FHIT: variants seen among roughly 807,000 people sequenced by gnomAD.
FHIT encodes bis(5'-adenosyl)-triphosphatase.
FHIT carries 19 observed loss-of-function variants against 17.9 expected under a neutral mutation model. The ratio of observed to expected loss-of-function variants is 1.06; its 90% CI spans 0.74 to 1.56. The LOEUF is 1.56. Ranked by LOEUF, FHIT falls within the 40% of genes most tolerant of loss-of-function variation. The pLI is 0.00. For missense variants in FHIT, 248 were observed against 189.2 expected, an observed-to-expected ratio of 1.31 and a Z score of -1.82; for synonymous variants, 81 against 69.7, an observed-to-expected ratio of 1.16 and a Z score of -0.81.
At chr3:60,674,483 G>T (rs541154743) in intron 4 of FHIT, among the ~76,000 whole-genome samples, 3 of 152,104 alleles carry the variant, frequency 2.0e-5, no homozygotes, top group South Asian at 4.1e-4. Flanking sequence ...AACACAGGGC[G>T]ACACATTTAG....
intron 1 of FHIT, among the ~76,000 whole-genome samples, chr3:61,212,207 C>A (rs1488734622): frequency 6.6e-6 from 1 of 152,130 alleles, no homozygotes; most frequent in African/African-American, 2.4e-5. Flanking sequence ...CTACTCCGAG[C>A]TAAAGGAGGA....
intron 3 of FHIT, among the ~76,000 whole-genome samples, chr3:61,015,881 A>ACAGAGGAACAATACAGATCTT (rs1425219507): frequency 6.6e-6 from 1 of 152,232 alleles, no homozygotes; most frequent in Non-Finnish European, 1.5e-5. Flanking sequence ...ATGTCAAAGC[A>ACAGAGGAACAATACAGATCTT]CAGAGGAACA....
At chr3:60,456,449 C>T (rs777539964) in intron 5 of FHIT, among the ~76,000 whole-genome samples, 9 of 152,198 alleles carry the variant, frequency 5.9e-5, no homozygotes, top group Non-Finnish European at 1.0e-4. Flanking sequence ...CTTTGGGGAA[C>T]ACTATGTACC....
chr3:60,251,588 T>C (rs1314173075), intron 5 of FHIT, among the ~76,000 whole-genome samples: 2 of 152,236 alleles, frequency 1.3e-5, no homozygotes, highest in Admixed American at 6.5e-5. Flanking sequence ...TCTTTGGGAA[T>C]AGTTATGCCA....
At chr3:60,648,622 G>T (rs1354598000) in intron 4 of FHIT, among the ~76,000 whole-genome samples, 1 of 152,174 alleles carries the variant, frequency 6.6e-6, no homozygotes, top group Admixed American at 6.5e-5. Flanking sequence ...TGAAAATCTG[G>T]ACACCTGTTA....
At chr3:60,509,410 C>G (rs1246390090) in intron 5 of FHIT, among the ~76,000 whole-genome samples, 2 of 152,200 alleles carry the variant, frequency 1.3e-5, no homozygotes, top group Non-Finnish European at 2.9e-5. Context: ...TCAGATAAGA[C>G]AAGTTGTCCA....
chr3:60,843,209 T>C (rs529137842), intron 3 of FHIT, among the ~76,000 whole-genome samples: 1 of 152,264 alleles, frequency 6.6e-6, no homozygotes, highest in South Asian at 2.1e-4. Flanking sequence ...CCACAGAGAA[T>C]TCTTTCTGAC....
intron 5 of FHIT, among the ~76,000 whole-genome samples, chr3:60,304,084 T>C (rs1424096514): frequency 2.0e-5 from 3 of 152,138 alleles, no homozygotes; most frequent in Non-Finnish European, 4.4e-5. Context: ...TCTCCTTCTT[T>C]ACGTAGACAC....
At chr3:60,861,198 A>C (rs1482393710) in intron 3 of FHIT, among the ~76,000 whole-genome samples, 2 of 2,194 alleles carry the variant, frequency 9.1e-4, no homozygotes, top group East Asian at 6.3e-3. Flanking sequence ...TATATATCAT[A>C]TATGATATAT....
chr3:60,732,073 T>A, intron 4 of FHIT: 1 of 569,228 alleles, frequency 1.8e-6, no homozygotes, highest in South Asian at 1.9e-5. Context: ...TGCGAGCAAA[T>A]GGGGTGGAGG....
At chr3:60,919,494 G>T (rs1253658971) in intron 3 of FHIT, among the ~76,000 whole-genome samples, 1 of 151,310 alleles carries the variant, frequency 6.6e-6, no homozygotes, top group African/African-American at 2.4e-5. Context: ...CTGCAGAAAT[G>T]CTTAGAAAGT....
At chr3:59,997,271 T>A (rs1296161828) in intron 7 of FHIT, among the ~76,000 whole-genome samples, 1 of 152,122 alleles carries the variant, frequency 6.6e-6, no homozygotes, top group East Asian at 1.9e-4. Context: ...AAGTAATACA[T>A]TTTCTTTCAA....
Position 60,208,370 on chromosome 3 carries a change from C to T in FHIT, c.104-194218G>A, listed in dbSNP as rs529183824. Among the ~76,000 whole-genome samples the T allele has an allele frequency of 2.1e-5, 3 of 144,340 alleles. No individual in the cohort carries two copies. In the East Asian group the frequency reaches 5.8e-4, roughly 28 times the overall value. The allele number at this position is 144,340 out of a possible 152,430, so 94.7% of individuals were successfully genotyped here. ...GTAGGCAAAGTGTACTCTGAAATCA[C>T]CTCCCCCCAAATTGTAAATTCATTT... On this transcript the variant is annotated intron_variant, in intron 5 of 9. Coordinates refer to ENST00000492590, the MANE Select transcript of FHIT (RefSeq NM_002012.4).
intron 5 of FHIT, among the ~76,000 whole-genome samples, chr3:60,524,693 T>G (rs921369569): frequency 6.7e-6 from 1 of 150,246 alleles, no homozygotes; most frequent in African/African-American, 2.5e-5. Context: ...GCTGTCAGCA[T>G]TCCTTGACTT....
At chr3:61,109,737 C>T (rs538415665) in intron 2 of FHIT, among the ~76,000 whole-genome samples, 15 of 152,154 alleles carry the variant, frequency 9.9e-5, no homozygotes, top group Non-Finnish European at 2.2e-4. Flanking sequence ...CTTGAAGGAA[C>T]CACCTCCATT....
chr3:61,004,990 C>G (rs998649828), intron 3 of FHIT, among the ~76,000 whole-genome samples: 4 of 152,166 alleles, frequency 2.6e-5, no homozygotes, highest in Admixed American at 2.6e-4. Context: ...ACCATTTTCT[C>G]CCCACATGAG....
At chr3:61,025,884 C>G (rs1285164239) in intron 3 of FHIT, among the ~76,000 whole-genome samples, 3 of 151,796 alleles carry the variant, frequency 2.0e-5, no homozygotes, top group Non-Finnish European at 4.4e-5. Flanking sequence ...AAAGAGCTAC[C>G]CTTTCTAAAT....
intron 4 of FHIT, among the ~76,000 whole-genome samples, chr3:60,621,144 ATTTTTT>A (rs11370683): frequency 3.2e-5 from 3 of 95,090 alleles, no homozygotes; most frequent in Non-Finnish European, 3.8e-5. Flanking sequence ...TCTACTTTTG[ATTTTTT>A]TTTTTTTTTT....
chr3:59,853,014 G>C (rs1226884954), intron 8 of FHIT, among the ~76,000 whole-genome samples: 1 of 151,484 alleles, frequency 6.6e-6, no homozygotes, highest in Non-Finnish European at 1.5e-5. Flanking sequence ...GTGTGGCTAT[G>C]TTTTCAACTC....
Sources: allele counts gnomAD v4.1 joint callset (sites outside exome capture counted in the v4.1 genomes callset), GRCh38; gene constraint gnomAD v4.1.1; transcripts MANE v1.5; gene names NCBI Gene and HGNC (gene_info 2026-07-23, HGNC 2026-07-21).